The following SHANK2 variants were observed in gnomAD, a reference collection of about 807,000 sequenced individuals.
The protein encoded by SHANK2 is SH3 and multiple ankyrin repeat domains protein 2.
SHANK2 carries 43 observed loss-of-function variants against 133.7 expected under a neutral mutation model. That is an observed-to-expected ratio of 0.32 (90% confidence interval 0.25 to 0.41). The LOEUF (loss-of-function observed/expected upper bound fraction) is 0.41. SHANK2 is among the 10% of genes least tolerant of loss of function. The pLI is 1.00. For missense variants in SHANK2, 1,994 were observed against 2,235.8 expected (o/e 0.89, Z 2.18); for synonymous variants, 1,017 against 952.8 (o/e 1.07, Z -1.24).
chr11:71,233,947 T>C (rs1954787423), intron 1 of SHANK2, among the ~76,000 whole-genome samples: 1 of 151,830 alleles, frequency 6.6e-6, no homozygotes, highest in Admixed American at 6.6e-5. Context: ...CTCGGGAGGC[T>C]GAGGCAGGAA....
chr11:71,101,865 C>G (rs139550311), intron 6 of SHANK2, among the ~76,000 whole-genome samples: 80 of 152,248 alleles, frequency 5.3e-4, no homozygotes, highest in Middle Eastern at 6.8e-3. Context: ...AGTTGGGGGG[C>G]GGCCGAATGG....
intron 17 of SHANK2, among the ~76,000 whole-genome samples, chr11:70,550,939 G>C (rs748927305): frequency 6.6e-6 from 1 of 152,186 alleles, no homozygotes; most frequent in Non-Finnish European, 1.5e-5. Context: ...GAGCAGACAC[G>C]TGTGGACCCA....
intron 14 of SHANK2, among the ~76,000 whole-genome samples, chr11:70,722,511 T>A (rs1946093553): frequency 6.6e-6 from 1 of 152,206 alleles, no homozygotes; most frequent in Non-Finnish European, 1.5e-5. Flanking sequence ...AGGCGATTGT[T>A]TTTTCTGACT....
At chr11:70,524,643 A>AAAACATCATG (rs1554971784) in intron 17 of SHANK2, among the ~76,000 whole-genome samples, 1 of 152,218 alleles carries the variant, frequency 6.6e-6, no homozygotes, top group African/African-American at 2.4e-5. Context: ...AGCTTTCCAG[A>AAAACATCATG]AAACATCATG....
At chr11:70,663,596 G>A (rs1007403345) in intron 15 of SHANK2, among the ~76,000 whole-genome samples, 12 of 152,196 alleles carry the variant, frequency 7.9e-5, no homozygotes, top group African/African-American at 2.9e-4. Flanking sequence ...CTTCACAGCC[G>A]AAGACCAGGA....
intron 14 of SHANK2, among the ~76,000 whole-genome samples, chr11:70,732,667 C>T (rs1555032542): frequency 1.3e-5 from 2 of 152,254 alleles, no homozygotes; most frequent in African/African-American, 2.4e-5. Flanking sequence ...GCTGTTCCTG[C>T]TGCCTGCAGT....
rs562400518 is a variant in SHANK2 at position 70,613,850 on chromosome 11, G to A, written c.2061+45978C>T. On this transcript the variant is annotated intron_variant, in intron 17 of 25. Coordinates refer to ENST00000601538, the MANE Select transcript of SHANK2 (RefSeq NM_012309.5). ...CACAATCTCAGCTCACTGCAACCTC[G>A]GCCTCCCGGGTTCAAGCAATTCTCC... is the stretch of plus-strand genomic sequence containing the variant. Among the ~76,000 whole-genome samples, 56 of 140,822 alleles carry A rather than the reference G, an allele frequency of 4.0e-4. 1 individual carries two copies. The highest frequency in any genetic ancestry group is 6.4e-4 in the Non-Finnish European group (42 of 65,772). 92.4% of individuals were successfully genotyped at this position (140,822 alleles called of 152,430 possible). A position where few individuals can be genotyped will look rare whatever the true frequency, so the allele number is the denominator to read the frequency against.
intron 2 of SHANK2, among the ~76,000 whole-genome samples, chr11:71,214,945 G>A (rs545300635): frequency 7.9e-5 from 12 of 152,232 alleles, no homozygotes; most frequent in South Asian, 2.1e-4. Context: ...TCCTCCTCTC[G>A]GCAGGGAGGG....
At chr11:71,133,444 GGACGGACA>G (rs1952370645) in intron 3 of SHANK2, among the ~76,000 whole-genome samples, 1 of 145,058 alleles carries the variant, frequency 6.9e-6, no homozygotes, top group African/African-American at 2.8e-5. Flanking sequence ...AGGGAGGGAC[GGACGGACA>G]GACGGAGGGA....
intron 11 of SHANK2, among the ~76,000 whole-genome samples, chr11:70,848,335 G>A (rs76299202): frequency 0.053 from 8,124 of 152,298 alleles, 298 homozygotes; most frequent in Middle Eastern, 0.15. Context: ...TGGGGTGGGG[G>A]GTTTGAAAGA....
intron 17 of SHANK2, among the ~76,000 whole-genome samples, chr11:70,598,124 AG>A (rs2060425650): frequency 6.6e-6 from 1 of 152,212 alleles, no homozygotes; most frequent in South Asian, 2.1e-4. Flanking sequence ...CAGAGCCAGC[AG>A]GGGAACGTGC....
At chr11:70,627,324 A>G (rs78971150) in intron 17 of SHANK2, among the ~76,000 whole-genome samples, 3,017 of 152,258 alleles carry the variant, frequency 0.02, 45 homozygotes, top group Non-Finnish European at 0.031. Context: ...TTGAACCCAG[A>G]TGTGGCAACT....
chr11:70,497,310 C>CTTAGG (rs2058985384), intron 21 of SHANK2, among the ~76,000 whole-genome samples: 1 of 152,162 alleles, frequency 6.6e-6, no homozygotes, highest in South Asian at 2.1e-4. Flanking sequence ...TCATTCTAGG[C>CTTAGG]TCCTAAGGAT....
intron 14 of SHANK2, among the ~76,000 whole-genome samples, chr11:70,706,226 A>C (rs1555024885): frequency 6.6e-6 from 1 of 152,158 alleles, no homozygotes; most frequent in East Asian, 1.9e-4. Context: ...CTCTGCCTGG[A>C]ACATTCCTTC....
chr11:71,096,511 T>C (rs1204579509), intron 6 of SHANK2, among the ~76,000 whole-genome samples: 4 of 152,048 alleles, frequency 2.6e-5, no homozygotes, highest in African/African-American at 9.7e-5. Context: ...GAAGCACGAG[T>C]GTCCGAGGGC....
intron 16 of SHANK2, 88 bp downstream of exon 16, chr11:70,661,508 C>T (rs2061488874): frequency 3.5e-5 from 3 of 85,820 alleles, no homozygotes; most frequent in Non-Finnish European, 2.9e-5. Context: ...TATACACACA[C>T]ACACACACAC....
chr11:71,197,863 C>T (rs1953939440), intron 2 of SHANK2, among the ~76,000 whole-genome samples: 2 of 152,192 alleles, frequency 1.3e-5, no homozygotes, highest in Admixed American at 1.3e-4. Context: ...CTTACCCATG[C>T]TCAGCCCCAC....
intron 8 of SHANK2, 108 bp downstream of exon 8, chr11:71,092,314 C>T: frequency 8.1e-7 from 1 of 1,233,990 alleles, no homozygotes; most frequent in South Asian, 1.3e-5. Context: ...AAACAAAATA[C>T]CTGAAGGCAG....
At chr11:70,674,872 G>A (rs1230346404) in intron 15 of SHANK2, among the ~76,000 whole-genome samples, 1 of 152,210 alleles carries the variant, frequency 6.6e-6, no homozygotes, top group Non-Finnish European at 1.5e-5. Flanking sequence ...TTTGGCCTGT[G>A]GGCTGCAGTT....
Sources: allele counts gnomAD v4.1 joint callset (sites outside exome capture counted in the v4.1 genomes callset), GRCh38; gene constraint gnomAD v4.1.1; transcripts MANE v1.5; gene names NCBI Gene and HGNC (gene_info 2026-07-23, HGNC 2026-07-21).